The following PPM1L variants were observed in gnomAD, a reference collection of about 807,000 sequenced individuals.
PPM1L encodes protein phosphatase 1L.
A neutral mutation model predicts 31.4 loss-of-function variants in PPM1L; 13 were observed. The ratio of observed to expected loss-of-function variants is 0.41; its 90% CI spans 0.27 to 0.66. The LOEUF (loss-of-function observed/expected upper bound fraction) is 0.66, where lower values mean the gene tolerates loss of function less well. Among genes scored for constraint, PPM1L ranks in the 30% least tolerant of loss-of-function variants. The pLI is 0.29. For synonymous variants in PPM1L, 184 were observed against 175.4 expected (o/e 1.05, Z -0.39); for missense variants, 326 against 453.7 (o/e 0.72, Z 2.56).
chr3:161,062,636 T>C (rs1719608187), intron 2 of PPM1L, among the ~76,000 whole-genome samples: 1 of 152,198 alleles, frequency 6.6e-6, no homozygotes, highest in African/African-American at 2.4e-5. Context: ...TAATCAAATA[T>C]GGGACTAAAT....
At chr3:161,003,152 T>G (rs201586981) in intron 2 of PPM1L, among the ~76,000 whole-genome samples, 32,211 of 150,754 alleles carry the variant, frequency 0.21, 3,328 homozygotes, top group African/African-American at 0.29. Flanking sequence ...TAGTTGTAGA[T>G]AGGTGGCGTT....
Position 160,991,734 on chromosome 3 carries a change from T to C in PPM1L, c.574+29824T>C, listed in dbSNP as rs779719861. On this transcript the variant is annotated intron_variant, in intron 2 of 3. Transcript: ENST00000498165. ...AGACCCACTGGAGGAGCTACCCATGTGCCAATGAGAACCCAATCTTCAACT... is the reference window on the plus strand; with the variant it reads ...AGACCCACTGGAGGAGCTACCCATGCGCCAATGAGAACCCAATCTTCAACT... Among the ~76,000 whole-genome samples, 4 of 152,158 alleles carry C rather than the reference T, an allele frequency of 2.6e-5. 1 individual carries two copies. The highest frequency in any genetic ancestry group is 4.4e-5 in the Non-Finnish European group (3 of 68,032).
chr3:161,008,544 G>T (rs1221716626), intron 2 of PPM1L, among the ~76,000 whole-genome samples: 2 of 152,148 alleles, frequency 1.3e-5, no homozygotes, highest in African/African-American at 4.8e-5. Context: ...TTTGTCTGCT[G>T]GTTTTCAGCA....
rs1411812485 is a variant in PPM1L, at chr3:161,074,402, G to T, written c.*5245G>T. On this transcript the variant is annotated 3_prime_UTR_variant, in exon 4 of 4. Coordinates refer to ENST00000498165, the MANE Select transcript of PPM1L (RefSeq NM_139245.4). ...CAAAGTCATGGATGAAACAAATCTA[G>T]TCGAAAACATGGTACAGAGTGAATT... The T allele has an allele frequency of 6.6e-6, 1 of 152,172 alleles. No individual in the cohort carries two copies. The highest frequency in any genetic ancestry group is 1.5e-5 in the Non-Finnish European group (1 of 68,036). 9.4% of individuals were successfully genotyped at this position (152,172 alleles called of 1,614,324 possible). A position where few individuals can be genotyped will look rare whatever the true frequency, so the allele number is the denominator to read the frequency against.
chr3:161,018,616 G>T (rs1718151540), intron 2 of PPM1L, among the ~76,000 whole-genome samples: 1 of 151,932 alleles, frequency 6.6e-6, no homozygotes, highest in African/African-American at 2.4e-5. Context: ...CAGGATTATG[G>T]ATATTTTTTC....
intron 1 of PPM1L, among the ~76,000 whole-genome samples, chr3:160,906,133 C>T (rs181542086): frequency 3.3e-5 from 5 of 152,030 alleles, no homozygotes; most frequent in East Asian, 3.9e-4. Context: ...ATTTTTCCCT[C>T]GGTGCTTTTC....
intron 1 of PPM1L, among the ~76,000 whole-genome samples, chr3:160,928,904 A>G (rs143091739): frequency 1.1e-3 from 164 of 152,276 alleles, no homozygotes; most frequent in Middle Eastern, 3.4e-3. Flanking sequence ...ACTCTGTCGT[A>G]TATTGTTATA....
intron 2 of PPM1L, among the ~76,000 whole-genome samples, chr3:161,011,575 G>A (rs1717896262): frequency 6.6e-6 from 1 of 151,556 alleles, no homozygotes; most frequent in African/African-American, 2.4e-5. Flanking sequence ...TAGCTTGATG[G>A]GGATGGCATT....
intron 1 of PPM1L, among the ~76,000 whole-genome samples, chr3:160,786,187 G>GTGTGTGTGTA (rs1302285733): frequency 4.6e-4 from 18 of 39,444 alleles, no homozygotes; most frequent in African/African-American, 1.1e-3. Flanking sequence ...GTGTGTGTGT[G>GTGTGTGTGTA]TATATATATA....
chr3:160,838,384 A>C (rs1214387788), intron 1 of PPM1L, among the ~76,000 whole-genome samples: 1 of 152,196 alleles, frequency 6.6e-6, no homozygotes, highest in Non-Finnish European at 1.5e-5. Flanking sequence ...AAGACAACAG[A>C]GAGTGATGGG....
intron 1 of PPM1L, among the ~76,000 whole-genome samples, chr3:160,922,472 C>T (rs1002210088): frequency 2.6e-5 from 4 of 152,154 alleles, no homozygotes; most frequent in Non-Finnish European, 4.4e-5. Context: ...ATTACTAAGT[C>T]CTCCCGATTA....
At chr3:160,903,005 C>T (rs1187309069) in intron 1 of PPM1L, among the ~76,000 whole-genome samples, 1 of 152,128 alleles carries the variant, frequency 6.6e-6, no homozygotes, top group African/African-American at 2.4e-5. Flanking sequence ...TATAAACTGA[C>T]TTGTGGGACC....
chr3:160,879,699 C>A (rs1292574332), intron 1 of PPM1L, among the ~76,000 whole-genome samples: 1 of 152,168 alleles, frequency 6.6e-6, no homozygotes, highest in Non-Finnish European at 1.5e-5. Context: ...AAATCAGAAT[C>A]CCAGGGCATG....
intron 1 of PPM1L, among the ~76,000 whole-genome samples, chr3:160,774,101 G>A (rs1711507054): frequency 6.6e-6 from 1 of 152,072 alleles, no homozygotes; most frequent in Non-Finnish European, 1.5e-5. Flanking sequence ...ATGTCACATT[G>A]ATAACAACCT....
At chr3:161,026,364 G>A (rs1257834128) in intron 2 of PPM1L, among the ~76,000 whole-genome samples, 6 of 152,198 alleles carry the variant, frequency 3.9e-5, no homozygotes, top group Non-Finnish European at 5.9e-5. Context: ...AGACCTCTCA[G>A]AAGAGGTAAC....
At chr3:161,045,160 C>G (rs1719021321) in intron 2 of PPM1L, among the ~76,000 whole-genome samples, 1 of 152,126 alleles carries the variant, frequency 6.6e-6, no homozygotes, top group South Asian at 2.1e-4. Flanking sequence ...TAGATTCCCA[C>G]ACAATAATAA....
chr3:160,951,396 C>G (rs1350989295), intron 1 of PPM1L, among the ~76,000 whole-genome samples: 1 of 152,118 alleles, frequency 6.6e-6, no homozygotes, highest in East Asian at 1.9e-4. Flanking sequence ...AAAGCAGATA[C>G]ATTTTTTAAT....
chr3:160,961,280 A>G (rs544517065), intron 1 of PPM1L, among the ~76,000 whole-genome samples: 31 of 152,276 alleles, frequency 2.0e-4, no homozygotes, highest in Non-Finnish European at 3.2e-4. Flanking sequence ...TCACTTTACA[A>G]GAGTTCTTAT....
intron 2 of PPM1L, among the ~76,000 whole-genome samples, chr3:161,058,962 A>G (rs2108104942): frequency 6.6e-6 from 1 of 152,320 alleles, no homozygotes; most frequent in South Asian, 2.1e-4. Context: ...TTAAGCTTAG[A>G]ATAACTTTTT....
Sources: allele counts gnomAD v4.1 joint callset (sites outside exome capture counted in the v4.1 genomes callset), GRCh38; gene constraint gnomAD v4.1.1; transcripts MANE v1.5; gene names NCBI Gene and HGNC (gene_info 2026-07-23, HGNC 2026-07-21).